Variants in TMPO observed in about 807,000 individuals in gnomAD.
The protein encoded by TMPO is LEM domain containing 4.
Under a neutral mutation model 45.4 loss-of-function variants are expected in TMPO, and 22 were observed. That is an observed-to-expected ratio of 0.48 (90% CI 0.35 to 0.69). TMPO has a LOEUF of 0.69. Ranked by LOEUF, TMPO falls within the 30% of genes least tolerant of loss-of-function variation. TMPO has a pLI of 0.01. For missense variants in TMPO, 512 were observed against 548.8 expected (o/e 0.93, Z 0.67); for synonymous variants, 241 against 204.1 (o/e 1.18, Z -1.54).
intron 4 of TMPO, chr12:98,537,855 G>A (rs993019278): frequency 1.8e-6 from 1 of 546,222 alleles, no homozygotes; most frequent in Non-Finnish European, 3.2e-6. Context: ...ATTTTAAAAG[G>A]TGGAAATATC....
intron 1 of TMPO, among the ~76,000 whole-genome samples, chr12:98,520,309 C>CTG (rs529890264): frequency 1.4e-5 from 2 of 145,020 alleles, no homozygotes; most frequent in East Asian, 4.3e-4. Context: ...TTCCTTCCTT[C>CTG]TGTGTGTGTG....
At chr12:98,532,965 C>A in intron 3 of TMPO, 1 of 1,614,106 alleles carries the variant, frequency 6.2e-7, no homozygotes, top group Non-Finnish European at 8.5e-7. Context: ...TGGGCAGTAC[C>A]GAACTACAGG....
intron 3 of TMPO, chr12:98,533,027 T>C: frequency 6.2e-7 from 1 of 1,613,680 alleles, no homozygotes; most frequent in Non-Finnish European, 8.5e-7. Context: ...GAGCCTCTTG[T>C]TGCCACAAAC....
chr12:98,536,053 A>T (rs1490680934), intron 3 of TMPO, among the ~76,000 whole-genome samples: 2 of 152,220 alleles, frequency 1.3e-5, no homozygotes, highest in Non-Finnish European at 2.9e-5. Context: ...TTGAAATCTT[A>T]GTCCTAAATA....
At position 98,533,745 on chromosome 12, in the gene TMPO, A is replaced by G. The variant is rs372248802; in HGVS notation, c.565+1907A>G. Reference sequence around the variant, plus strand: ...CAGAACTATCTTTTCCCTTCCATGAATCTATTTTAAAAGTAATTGAAGAAG... The same window carrying G: ...CAGAACTATCTTTTCCCTTCCATGAGTCTATTTTAAAAGTAATTGAAGAAG... On this transcript the variant is annotated intron_variant, in intron 3 of 8. Coordinates refer to ENST00000556029, the MANE Select transcript of TMPO (RefSeq NM_001032283.3). 1.5e-5 allele frequency: 25 copies of G among 1,614,100 alleles called. No homozygotes were observed. The highest frequency in any genetic ancestry group is 1.6e-4 in the Middle Eastern group (1 of 6,084).
chr12:98,530,534 G>C (rs555011726), intron 2 of TMPO, among the ~76,000 whole-genome samples: 1 of 152,288 alleles, frequency 6.6e-6, no homozygotes, highest in South Asian at 2.1e-4. Context: ...AGATAATACA[G>C]TTAATGTAAA....
intron 4 of TMPO, among the ~76,000 whole-genome samples, chr12:98,542,826 C>G (rs1877995087): frequency 2.6e-5 from 4 of 152,064 alleles, no homozygotes; most frequent in Middle Eastern, 3.2e-3. Context: ...CCACTGTACT[C>G]CAGCCTGGGC....
At chr12:98,547,321 C>T (rs536810775) in intron 8 of TMPO, among the ~76,000 whole-genome samples, 6 of 152,250 alleles carry the variant, frequency 3.9e-5, no homozygotes, top group South Asian at 2.1e-4. Context: ...GTGATCTGCC[C>T]GCCTTGGCCT....
intron 3 of TMPO, chr12:98,534,553 A>AT: frequency 1.5e-6 from 2 of 1,354,274 alleles, no homozygotes; most frequent in Non-Finnish European, 1.9e-6. Context: ...GGTACAAACA[A>AT]TTTAACGCTT....
intron 3 of TMPO, chr12:98,532,107 G>A: frequency 2.6e-6 from 1 of 381,532 alleles, no homozygotes. Context: ...AGAGAATAAA[G>A]TATTACAAGT....
Position 98,528,003 on chromosome 12 carries a change from C to T in TMPO, c.397C>T (p.Pro133Ser). 6.2e-7 allele frequency: 1 copy of T among 1,613,756 alleles called. No homozygotes were observed. The highest frequency in any genetic ancestry group is 1.1e-5 in the South Asian group (1 of 91,042). ...TGTGAAATACGGAGTGAATCCTGGT[C>T]CTATTGTGGGTAAGTTGATAAAATT... ...QLVKYGVNPG[P>S]IVGTTRKLYE... The change falls in exon 2 of 9, where the codon CCT (proline) becomes TCT (serine). Residue 133 changes from proline (P) to serine (S), a missense_variant. Transcript: ENST00000556029.
In TMPO at chr12:98,516,095, C is replaced by A; in HGVS notation, c.228C>A (p.Val76=). ...ACGAAGAGCGCGAGCCCACCCCGGT[C>A]CTCGGCTCTGGGGCCGCCGCCGCGG... The part of the protein sequence containing the change: ...SSDEEREPTP[V]LGSGAAAAGR... The change falls in exon 1 of 9, where the codon GTC becomes GTA. Residue 76 remains valine, a synonymous_variant. Transcript: ENST00000556029. 6.3e-7 allele frequency: 1 copy of A among 1,582,394 alleles called. No homozygotes were observed.
At chr12:98,535,507 TA>T in intron 3 of TMPO, 3 of 985,316 alleles carry the variant, frequency 3.0e-6, no homozygotes, top group Non-Finnish European at 3.6e-6. Context: ...TTTCTGAGAG[TA>T]ATTTTATTTG....
intron 3 of TMPO, among the ~76,000 whole-genome samples, chr12:98,535,835 C>T (rs1389555102): frequency 6.6e-6 from 1 of 152,124 alleles, no homozygotes; most frequent in Non-Finnish European, 1.5e-5. Context: ...CTGTTGGAAT[C>T]TAAATTTATA....
intron 1 of TMPO, among the ~76,000 whole-genome samples, chr12:98,526,736 G>C (rs1876788148): frequency 6.6e-6 from 1 of 152,120 alleles, no homozygotes; most frequent in African/African-American, 2.4e-5. Context: ...GAGGTGGGCA[G>C]ATAACGAGGT....
At chr12:98,518,737 C>G (rs927114989) in intron 1 of TMPO, among the ~76,000 whole-genome samples, 4 of 152,028 alleles carry the variant, frequency 2.6e-5, no homozygotes, top group Non-Finnish European at 5.9e-5. Flanking sequence ...GATTATCCAG[C>G]AATTTTGAGT....
At chr12:98,539,580 TCTC>T (rs1401924209) in intron 4 of TMPO, among the ~76,000 whole-genome samples, 2 of 151,016 alleles carry the variant, frequency 1.3e-5, no homozygotes, top group African/African-American at 4.9e-5. Context: ...TTCAAGCAGT[TCTC>T]CTGCTTCAGC....
At chr12:98,538,850 G>A (rs1181780896) in intron 4 of TMPO, among the ~76,000 whole-genome samples, 1 of 151,978 alleles carries the variant, frequency 6.6e-6, no homozygotes, top group Non-Finnish European at 1.5e-5. Flanking sequence ...TGGAATACAT[G>A]TTTTATTGCC....
chr12:98,550,204 C>T lies in TMPO; in HGVS notation c.*2346C>T, dbSNP rs369299135. The T allele has an allele frequency of 2.6e-5, 4 of 152,054 alleles. No individual in the cohort carries two copies. The highest frequency in any genetic ancestry group is 9.7e-5 in the African/African-American group (4 of 41,394). The allele number at this position is 152,054 out of a possible 1,614,324, so 9.4% of individuals were successfully genotyped here. A position where few individuals can be genotyped will look rare whatever the true frequency, so the allele number is the denominator to read the frequency against. ...GTCTTTTGTGTGTGTCTGTTTTATT[C>T]CATTAGAATAAATGTGTCCTTGATG... is the stretch of plus-strand genomic sequence containing the variant. On this transcript the variant is annotated 3_prime_UTR_variant, in exon 9 of 9. Coordinates refer to ENST00000556029, the MANE Select transcript of TMPO (RefSeq NM_001032283.3).
Sources: allele counts gnomAD v4.1 joint callset (sites outside exome capture counted in the v4.1 genomes callset), GRCh38; gene constraint gnomAD v4.1.1; transcripts MANE v1.5; gene names NCBI Gene and HGNC (gene_info 2026-07-23, HGNC 2026-07-21).